GALNTL6: variants seen among roughly 807,000 people sequenced by gnomAD.
The protein encoded by GALNTL6 is polypeptide N-acetylgalactosaminyltransferase like 6.
A neutral mutation model predicts 73.7 loss-of-function variants in GALNTL6; 46 were observed. That is an observed-to-expected ratio of 0.62 (90% CI 0.49 to 0.80). The LOEUF is 0.80. Ranked by LOEUF, GALNTL6 falls within the 30% of genes least tolerant of loss-of-function variation. GALNTL6 has a pLI of 0.00. For missense variants in GALNTL6, 604 were observed against 755.0 expected (o/e 0.80, Z 2.34); for synonymous variants, 259 against 263.7 (o/e 0.98, Z 0.17).
At chr4:172,937,712 C>T (rs922218016) in intron 9 of GALNTL6, among the ~76,000 whole-genome samples, 5 of 152,130 alleles carry the variant, frequency 3.3e-5, no homozygotes, top group Non-Finnish European at 7.4e-5. Flanking sequence ...ACGTACAGTC[C>T]ACACCATGCA....
Position 173,031,277 on chromosome 4 carries a change from C to T in GALNTL6, c.1639-8656C>T, listed in dbSNP as rs145435056. On this transcript the variant is annotated intron_variant, in intron 12 of 12. Transcript: ENST00000506823. Reference sequence around the variant, plus strand: ...TAACAAGAGTTCAATTGATGTTAGCCGCTACTATACCATGCATTCAGCAAG... The same window carrying T: ...TAACAAGAGTTCAATTGATGTTAGCTGCTACTATACCATGCATTCAGCAAG... Among the ~76,000 whole-genome samples the T allele has an allele frequency of 1.4e-3, 218 of 152,190 alleles. 5 individuals are homozygous for T. The East Asian group carries it at 0.038, about 27-fold the overall frequency.
chr4:172,162,655 A>G (rs1734507702), intron 2 of GALNTL6, among the ~76,000 whole-genome samples: 1 of 151,992 alleles, frequency 6.6e-6, no homozygotes, highest in Non-Finnish European at 1.5e-5. Context: ...ATTTAAAAAG[A>G]TCTTGTGGCT....
chr4:172,040,504 A>T (rs1016742724), intron 2 of GALNTL6, among the ~76,000 whole-genome samples: 1 of 152,070 alleles, frequency 6.6e-6, no homozygotes, highest in African/African-American at 2.4e-5. Context: ...ATGCTCCAAA[A>T]TAAATACTTG....
At chr4:172,128,005 T>G (rs1733351127) in intron 2 of GALNTL6, among the ~76,000 whole-genome samples, 1 of 151,994 alleles carries the variant, frequency 6.6e-6, no homozygotes, top group African/African-American at 2.4e-5. Flanking sequence ...CTCTGGAGAC[T>G]GAGGCAGGAG....
At chr4:171,982,345 T>G (rs1047638627) in intron 2 of GALNTL6, among the ~76,000 whole-genome samples, 3 of 152,194 alleles carry the variant, frequency 2.0e-5, no homozygotes, top group Non-Finnish European at 4.4e-5. Context: ...TCACCCAGGC[T>G]GGAGTGCAGT....
At chr4:172,249,756 G>A (rs376775154) in intron 3 of GALNTL6, among the ~76,000 whole-genome samples, 1 of 152,092 alleles carries the variant, frequency 6.6e-6, no homozygotes, top group South Asian at 2.1e-4. Context: ...GGTCGTGTAG[G>A]TCCTGTGGAT....
At chr4:172,100,537 A>C (rs1732480730) in intron 2 of GALNTL6, among the ~76,000 whole-genome samples, 1 of 152,192 alleles carries the variant, frequency 6.6e-6, no homozygotes, top group African/African-American at 2.4e-5. Flanking sequence ...CATTATGCCA[A>C]AAGGAAATGG....
rs76209075 is a variant in GALNTL6, at chr4:172,179,226, G to A, written c.139-50430G>A. ...TCTAGTTCTAGATCCCTGAGGAATC[G>A]CCACACTGACTTCCACAATGGATGA... is the stretch of plus-strand genomic sequence containing the variant. On this transcript the variant is annotated intron_variant, in intron 2 of 12. Transcript: ENST00000506823. Among the ~76,000 whole-genome samples the A allele has an allele frequency of 2.8e-3, 425 of 151,276 alleles. 3 individuals carry two copies. The highest frequency in any genetic ancestry group is 9.1e-3 in the African/African-American group (372 of 40,956).
intron 2 of GALNTL6, among the ~76,000 whole-genome samples, chr4:172,173,925 A>G (rs1403988076): frequency 1.3e-5 from 2 of 152,078 alleles, no homozygotes; most frequent in Non-Finnish European, 2.9e-5. Context: ...ACTGTGGTGG[A>G]GAAGAGGGGT....
intron 5 of GALNTL6, among the ~76,000 whole-genome samples, chr4:172,373,923 C>T (rs1195967402): frequency 2.0e-5 from 3 of 152,106 alleles, no homozygotes; most frequent in Non-Finnish European, 2.9e-5. Flanking sequence ...AGGAGGAAGT[C>T]AATTTCCTGA....
chr4:172,809,499 T>G lies in GALNTL6; in HGVS notation c.692T>G (p.Leu231Arg). 2 of 1,613,750 alleles carry G rather than the reference T, an allele frequency of 1.2e-6. No individual in the cohort carries two copies. The highest frequency in any genetic ancestry group is 1.7e-6 in the Non-Finnish European group (2 of 1,179,786). The change falls in exon 6 of 13, where the codon CTG becomes CGG. Residue 231 changes from leucine to arginine, a missense_variant. Leu to Arg is a moderately radical substitution (Grantham distance 102). Coordinates refer to ENST00000506823, the MANE Select transcript of GALNTL6 (RefSeq NM_001034845.3). This position sits in a 1 kb window ranked among gnomAD's most constrained non-coding sequence, Gnocchi z 4.4. Reference sequence around the variant, plus strand: ...GCCAGAGGAGAAGTCCTGACATTCCTGGACTCCCACTGCGAGGTCAATGTG... The same window carrying G: ...GCCAGAGGAGAAGTCCTGACATTCCGGGACTCCCACTGCGAGGTCAATGTG... The part of the protein sequence containing the change: ...SMARGEVLTF[L>R]DSHCEVNVNW...
At chr4:172,993,894 C>G (rs1327174379) in intron 10 of GALNTL6, among the ~76,000 whole-genome samples, 1 of 152,128 alleles carries the variant, frequency 6.6e-6, no homozygotes. Flanking sequence ...TGCACTCCAG[C>G]CTGGGCAACA....
intron 7 of GALNTL6, among the ~76,000 whole-genome samples, chr4:172,839,087 T>A (rs776141414): frequency 7.2e-5 from 11 of 152,204 alleles, no homozygotes; most frequent in Admixed American, 1.3e-4. Flanking sequence ...AAAGGGACTA[T>A]TACAGACATA....
intron 5 of GALNTL6, among the ~76,000 whole-genome samples, chr4:172,609,380 T>G (rs1486535541): frequency 6.6e-6 from 1 of 152,188 alleles, no homozygotes; most frequent in Non-Finnish European, 1.5e-5. Context: ...CAAAAGCCTT[T>G]TCTGCATCTA....
intron 5 of GALNTL6, among the ~76,000 whole-genome samples, chr4:172,562,058 A>G (rs942452575): frequency 1.3e-5 from 2 of 152,202 alleles, no homozygotes; most frequent in Admixed American, 1.3e-4. Flanking sequence ...TTTTATTCAT[A>G]GGGTGGGTAT....
intron 5 of GALNTL6, among the ~76,000 whole-genome samples, chr4:172,721,018 A>AT (rs1735439589): frequency 6.6e-6 from 1 of 152,176 alleles, no homozygotes; most frequent in Non-Finnish European, 1.5e-5. Context: ...AGAAGAAAAT[A>AT]TTAAGTATTT....
At chr4:172,413,624 T>G (rs1235086824) in intron 5 of GALNTL6, among the ~76,000 whole-genome samples, 1 of 150,752 alleles carries the variant, frequency 6.6e-6, no homozygotes, top group Admixed American at 6.7e-5. Context: ...CTACTTGACA[T>G]TAAAGGTTGT....
chr4:172,635,008 A>G (rs984691022), intron 5 of GALNTL6, among the ~76,000 whole-genome samples: 1 of 152,162 alleles, frequency 6.6e-6, no homozygotes, highest in Admixed American at 6.5e-5. Flanking sequence ...AGTTTTTACA[A>G]GAGGAATATA....
At chr4:171,886,437 C>A (rs898139678) in intron 2 of GALNTL6, among the ~76,000 whole-genome samples, 5 of 151,910 alleles carry the variant, frequency 3.3e-5, no homozygotes, top group African/African-American at 7.3e-5. Context: ...TTTTCTCACA[C>A]CTGTATTGAT....
Sources: allele counts gnomAD v4.1 joint callset (sites outside exome capture counted in the v4.1 genomes callset), GRCh38; gene constraint gnomAD v4.1.1; non-coding constraint Gnocchi (gnomAD v3.1); transcripts MANE v1.5; gene names NCBI Gene and HGNC (gene_info 2026-07-23, HGNC 2026-07-21).